The following NPAS3 variants were observed in gnomAD, a reference collection of about 807,000 sequenced individuals.
NPAS3 encodes neuronal PAS domain protein 3, also known as neuronal PAS domain-containing protein 3.
Under a neutral mutation model 73.1 loss-of-function variants are expected in NPAS3, and 14 were observed. The ratio of observed to expected loss-of-function variants is 0.19; its 90% confidence interval spans 0.13 to 0.30. The LOEUF is 0.30. Ranked by LOEUF, NPAS3 falls within the 10% of genes least tolerant of loss-of-function variation. The pLI is 1.00. For missense variants in NPAS3, 1,096 were observed against 1,250.0 expected, an observed-to-expected ratio of 0.88 and a Z score of 1.86; for synonymous variants, 620 against 541.5, an observed-to-expected ratio of 1.14 and a Z score of -2.01.
In NPAS3 at chr14:33,322,771, A is replaced by T. The variant is rs192148695; in HGVS notation, c.386-44415A>T. 6.6e-5 allele frequency among the ~76,000 whole-genome samples: 10 copies of T among 152,272 alleles called. 1 individual carries two copies. The highest frequency in any genetic ancestry group is 1.3e-4 in the Non-Finnish European group (9 of 68,008). On this transcript the variant is annotated intron_variant, in intron 3 of 11. Coordinates refer to ENST00000356141, the Ensembl canonical transcript of NPAS3. The stretch of plus-strand genomic sequence containing the variant: ...AAAGACGGATAGATCCAAAGGAATG[A>T]CTTGGTAATCGTGAAATTTCAGGTT...
intron 5 of NPAS3, among the ~76,000 whole-genome samples, chr14:33,600,480 A>G (rs1202768936): frequency 6.6e-6 from 1 of 152,230 alleles, no homozygotes; most frequent in East Asian, 1.9e-4. Flanking sequence ...TGGGATCAAC[A>G]AATGTAAACT....
chr14:33,162,800 CATT>C (rs2044951043), intron 2 of NPAS3, among the ~76,000 whole-genome samples: 1 of 152,288 alleles, frequency 6.6e-6, no homozygotes, highest in East Asian at 1.9e-4. Context: ...GTGTCAGAAA[CATT>C]ATTTTTCAAA....
intron 2 of NPAS3, among the ~76,000 whole-genome samples, chr14:33,107,687 T>C (rs1181790851): frequency 6.6e-6 from 1 of 152,154 alleles, no homozygotes; most frequent in African/African-American, 2.4e-5. Context: ...TTTTATGTCT[T>C]TAAATATGTG....
At chr14:33,569,620 A>AC (rs2056117147) in intron 5 of NPAS3, among the ~76,000 whole-genome samples, 1 of 150,054 alleles carries the variant, frequency 6.7e-6, no homozygotes, top group Admixed American at 6.7e-5. Context: ...CATGGAAACA[A>AC]AAAAAAAAAT....
chr14:33,767,041 T>G (rs2062485087), intron 7 of NPAS3, among the ~76,000 whole-genome samples: 1 of 152,226 alleles, frequency 6.6e-6, no homozygotes, highest in African/African-American at 2.4e-5. Flanking sequence ...GTCTAAGGGC[T>G]CCTCCTTCAG....
intron 11 of NPAS3, 72 bp from the exon 12 acceptor site, chr14:33,799,662 G>A: frequency 2.6e-6 from 4 of 1,514,042 alleles, no homozygotes; most frequent in Non-Finnish European, 2.7e-6. Context: ...AGGCTGGGTC[G>A]CCCCGCTAAC....
chr14:33,396,138 T>C (rs777886095), intron 4 of NPAS3, among the ~76,000 whole-genome samples: 1 of 152,148 alleles, frequency 6.6e-6, no homozygotes, highest in Non-Finnish European at 1.5e-5. Context: ...TTGAGATAAA[T>C]AGCTGACAGA....
chr14:33,319,624 G>A (rs1030863780), intron 3 of NPAS3, among the ~76,000 whole-genome samples: 1 of 151,704 alleles, frequency 6.6e-6, no homozygotes, highest in Non-Finnish European at 1.5e-5. Context: ...TGGTTCAGTA[G>A]CCGAGGCTCT....
intron 3 of NPAS3, among the ~76,000 whole-genome samples, chr14:33,246,763 C>T (rs1401440568): frequency 1.4e-5 from 2 of 138,942 alleles, no homozygotes; most frequent in Non-Finnish European, 3.1e-5. Context: ...GAGCCCAAGG[C>T]GGGTGGATCA....
intron 2 of NPAS3, among the ~76,000 whole-genome samples, chr14:33,158,724 G>A (rs1031814939): frequency 2.6e-5 from 4 of 152,140 alleles, no homozygotes; most frequent in South Asian, 2.1e-4. Context: ...CAAAGGCCAC[G>A]AGATGGGGGT....
intron 2 of NPAS3, among the ~76,000 whole-genome samples, chr14:33,195,247 T>A (rs1393877414): frequency 2.6e-5 from 4 of 152,136 alleles, no homozygotes; most frequent in South Asian, 2.1e-4. Flanking sequence ...AAAAAAAATT[T>A]AAAAAAGGGT....
At chr14:33,317,724 C>T (rs894286062) in intron 3 of NPAS3, among the ~76,000 whole-genome samples, 10 of 151,950 alleles carry the variant, frequency 6.6e-5, no homozygotes, top group Non-Finnish European at 1.5e-4. Flanking sequence ...TTCCTGAGAC[C>T]GCCCCAGCCA....
intron 1 of NPAS3, among the ~76,000 whole-genome samples, chr14:33,034,666 G>C (rs1228203279): frequency 6.6e-6 from 1 of 152,022 alleles, no homozygotes; most frequent in Non-Finnish European, 1.5e-5. Context: ...TATTTTGAAG[G>C]AAAGTGTTTG....
At chr14:33,496,994 G>C (rs1023371348) in intron 4 of NPAS3, among the ~76,000 whole-genome samples, 12 of 152,272 alleles carry the variant, frequency 7.9e-5, no homozygotes, top group African/African-American at 2.9e-4. Context: ...AGCAACTTCA[G>C]CAAAGTCTCA....
intron 6 of NPAS3, among the ~76,000 whole-genome samples, chr14:33,677,449 C>A (rs2059801302): frequency 6.6e-6 from 1 of 152,118 alleles, no homozygotes; most frequent in Admixed American, 6.5e-5. Context: ...GATGCTTGTA[C>A]TTTACTTGAT....
intron 1 of NPAS3, among the ~76,000 whole-genome samples, chr14:32,993,481 G>A (rs1340089490): frequency 2.6e-5 from 4 of 152,094 alleles, no homozygotes; most frequent in African/African-American, 9.7e-5. Flanking sequence ...GATCTAAGGT[G>A]GTGAGAAATT....
intron 1 of NPAS3, among the ~76,000 whole-genome samples, chr14:32,991,093 T>C (rs1295914): frequency 0.92 from 139,550 of 151,786 alleles, 64,623 homozygotes; most frequent in Non-Finnish European, 0.98. Context: ...GCTTCAGCCT[T>C]CCAAGTAGCT....
chr14:33,613,409 C>G (rs1313955517), intron 5 of NPAS3, among the ~76,000 whole-genome samples: 3 of 152,132 alleles, frequency 2.0e-5, no homozygotes, highest in Admixed American at 1.3e-4. Context: ...GCTTCCCTTC[C>G]CCTCTCTGAA....
chr14:33,361,393 A>G (rs2045594161), intron 3 of NPAS3, among the ~76,000 whole-genome samples: 1 of 152,256 alleles, frequency 6.6e-6, no homozygotes, highest in African/African-American at 2.4e-5. Context: ...CGAGAAGTGC[A>G]TAGTGAACAC....
Sources: gnomAD v4.1 joint callset for allele counts (sites outside exome capture counted in the v4.1 genomes callset) on GRCh38, gnomAD v4.1.1 for gene constraint, MANE v1.5 for transcripts, NCBI Gene and HGNC (gene_info 2026-07-23, HGNC 2026-07-21) for gene names.